ZFHX3: variants seen among roughly 807,000 people sequenced by gnomAD.
ZFHX3 encodes the protein zinc finger homeobox 3, also known as zinc finger homeobox protein 3.
A neutral mutation model predicts 279.1 loss-of-function variants in ZFHX3; 42 were observed. The observed-to-expected ratio is 0.15, with a 90% CI of 0.12 to 0.19. ZFHX3 has a LOEUF of 0.19. Among genes scored for constraint, ZFHX3 ranks in the 10% least tolerant of loss-of-function variants. The pLI is 1.00. For synonymous variants in ZFHX3, 2,293 were observed against 1,957.8 expected (o/e 1.17, Z -4.52); for missense variants, 4,981 against 4,754.0 (o/e 1.05, Z -1.40).
intron 3 of ZFHX3, among the ~76,000 whole-genome samples, chr16:73,321,966 A>T (rs938193884): frequency 3.3e-5 from 5 of 152,364 alleles, no homozygotes; most frequent in East Asian, 3.9e-4. Context: ...AAAGTGTATG[A>T]AATCGTTAAG....
chr16:73,574,881 T>C (rs1052934037), intron 2 of ZFHX3, among the ~76,000 whole-genome samples: 1 of 152,182 alleles, frequency 6.6e-6, no homozygotes, highest in African/African-American at 2.4e-5. Flanking sequence ...ATCCACCATG[T>C]ACCTCAAGGT....
At chr16:73,358,438 G>A (rs1397597144) in intron 3 of ZFHX3, among the ~76,000 whole-genome samples, 3 of 152,224 alleles carry the variant, frequency 2.0e-5, no homozygotes, top group African/African-American at 7.2e-5. Context: ...ATGAGAAGCT[G>A]AATCTTGCAA....
At chr16:73,741,638 T>G (rs2053658744) in intron 1 of ZFHX3, among the ~76,000 whole-genome samples, 1 of 152,202 alleles carries the variant, frequency 6.6e-6, no homozygotes. Context: ...GCTTGACCAC[T>G]GAGCCTCATC....
rs532405250 is a variant in ZFHX3 at position 72,919,777 on chromosome 16, C to CTTTTTTTTT, written c.3217-29824_3217-29816dup. 4.6e-3 allele frequency among the ~76,000 whole-genome samples: 193 copies of CTTTTTTTTT among 42,292 alleles called. 56 individuals are homozygous for CTTTTTTTTT. Among genetic ancestry groups the CTTTTTTTTT allele is most frequent in the African/African-American group, 0.014 (129 of 9,516 alleles). The allele number at this position is 42,292 out of a possible 152,430, so 27.7% of individuals were successfully genotyped here. Reference sequence around the variant, plus strand: ...CAACTAAAACATGTATATGCACCATCTTTTTTTTTTTTTTTTTTTTTTTTT... The same window carrying CTTTTTTTTT: ...CAACTAAAACATGTATATGCACCATCTTTTTTTTTTTTTTTTTTTTTTTTTTTTTTTTTT... On this transcript the variant is annotated intron_variant, in intron 3 of 9. Transcript: ENST00000268489.
intron 4 of ZFHX3, among the ~76,000 whole-genome samples, chr16:72,868,132 T>C (rs889553462): frequency 6.6e-6 from 1 of 152,214 alleles, no homozygotes; most frequent in Non-Finnish European, 1.5e-5. Flanking sequence ...TGGAATAACA[T>C]GAGATACATA....
chr16:73,334,673 G>A (rs6564865), intron 3 of ZFHX3, among the ~76,000 whole-genome samples: 26,571 of 151,916 alleles, frequency 0.17, 2,551 homozygotes, highest in Non-Finnish European at 0.22. Flanking sequence ...AGCTCAAGAG[G>A]CTCCAAGACA....
chr16:73,419,047 G>A (rs778223415), intron 3 of ZFHX3, among the ~76,000 whole-genome samples: 4 of 152,208 alleles, frequency 2.6e-5, no homozygotes, highest in Admixed American at 6.5e-5. Flanking sequence ...AAATCCAGTG[G>A]CAAGGTTTTG....
At chr16:73,324,199 T>C (rs530466445) in intron 3 of ZFHX3, among the ~76,000 whole-genome samples, 3 of 152,306 alleles carry the variant, frequency 2.0e-5, no homozygotes, top group African/African-American at 7.2e-5. Context: ...GGAGGCTTGC[T>C]GAAATTCACC....
chr16:73,433,274 T>A (rs2017940824), intron 3 of ZFHX3, among the ~76,000 whole-genome samples: 1 of 152,184 alleles, frequency 6.6e-6, no homozygotes, highest in Admixed American at 6.5e-5. Context: ...CCCCTTGTTC[T>A]CCCAGACTTA....
chr16:73,042,676 G>T (rs1226939218), intron 1 of ZFHX3, among the ~76,000 whole-genome samples: 2 of 151,912 alleles, frequency 1.3e-5, no homozygotes. Flanking sequence ...TCGGGCGAGG[G>T]GTCTCACTCC....
At chr16:73,159,808 G>T (rs543138809) in intron 5 of ZFHX3, among the ~76,000 whole-genome samples, 98 of 152,226 alleles carry the variant, frequency 6.4e-4, no homozygotes, top group African/African-American at 2.3e-3. Flanking sequence ...TGTCACTCAG[G>T]CTGGAGTGCA....
intron 5 of ZFHX3, among the ~76,000 whole-genome samples, chr16:73,224,721 T>A (rs1324707599): frequency 1.3e-5 from 2 of 152,196 alleles, no homozygotes; most frequent in Non-Finnish European, 2.9e-5. Context: ...AAACACAGGC[T>A]CATGTATGGA....
intron 2 of ZFHX3, among the ~76,000 whole-genome samples, chr16:73,478,305 A>AGCCATATGACAT (rs2018800671): frequency 6.9e-6 from 1 of 145,482 alleles, no homozygotes; most frequent in African/African-American, 2.6e-5. Flanking sequence ...AGGTACTAAA[A>AGCCATATGACAT]GCCATATGAC....
At chr16:73,848,617 T>C (rs915877232) in intron 1 of ZFHX3, among the ~76,000 whole-genome samples, 5 of 152,220 alleles carry the variant, frequency 3.3e-5, no homozygotes, top group Non-Finnish European at 5.9e-5. Flanking sequence ...ATGAACATCA[T>C]ATACATTAGG....
At chr16:73,066,245 C>T (rs62055087) in intron 8 of ZFHX3, among the ~76,000 whole-genome samples, 4 of 152,182 alleles carry the variant, frequency 2.6e-5, no homozygotes, top group African/African-American at 7.2e-5. Context: ...GCGCCCTTCT[C>T]GTGTCTGCTC....
rs2035818390 is a variant in ZFHX3, at chr16:72,794,232, G to A, written c.8450C>T (p.Ser2817Phe). 1 of 1,614,194 alleles carries A rather than the reference G, an allele frequency of 6.2e-7. No homozygotes were observed. The highest frequency in any genetic ancestry group is 8.5e-7 in the Non-Finnish European group (1 of 1,180,038). Reference protein sequence around the residue: ...VEGIEDFESPSMSSVNLNFDQ... With the variant: ...VEGIEDFESPFMSSVNLNFDQ... ...AAAGTTTAGATTAACTGAGGACATGGAGGGGCTTTCAAAGTCTTCAATCCC... is the reference window on the plus strand; with the variant it reads ...AAAGTTTAGATTAACTGAGGACATGAAGGGGCTTTCAAAGTCTTCAATCCC... The change falls in exon 9 of 10, where the codon TCC (serine) becomes TTC (phenylalanine). Residue 2817 changes from serine (S) to phenylalanine (F), a missense_variant. Coordinates refer to ENST00000268489, the MANE Select transcript of ZFHX3 (RefSeq NM_006885.4). The surrounding 1 kb of genome is among the most constrained non-coding windows in gnomAD (Gnocchi z 4.2).
intron 1 of ZFHX3, among the ~76,000 whole-genome samples, chr16:73,728,528 A>G (rs952358327): frequency 1.3e-5 from 2 of 152,202 alleles, no homozygotes. Flanking sequence ...GCTGACATAA[A>G]GAGAAAATGT....
At chr16:73,625,075 G>A (rs540061474) in intron 2 of ZFHX3, among the ~76,000 whole-genome samples, 1 of 152,276 alleles carries the variant, frequency 6.6e-6, no homozygotes, top group South Asian at 2.1e-4. Flanking sequence ...TATTTTAGGT[G>A]TCTGAGAAAA....
intron 1 of ZFHX3, among the ~76,000 whole-genome samples, chr16:73,847,679 T>TTAGGAA (rs1288866932): frequency 6.6e-6 from 1 of 152,116 alleles, no homozygotes; most frequent in African/African-American, 2.4e-5. Context: ...AGATTAAATT[T>TTAGGAA]GACAATGTAT....
Sources: allele counts gnomAD v4.1 joint callset (sites outside exome capture counted in the v4.1 genomes callset), GRCh38; gene constraint gnomAD v4.1.1; non-coding constraint Gnocchi (gnomAD v3.1); transcripts MANE v1.5; gene names NCBI Gene and HGNC (gene_info 2026-07-23, HGNC 2026-07-21).